The following PCGF3 variants were observed in gnomAD, a reference collection of about 807,000 sequenced individuals.
PCGF3 encodes polycomb group RING finger protein 3.
A neutral mutation model predicts 33.1 loss-of-function variants in PCGF3; 7 were observed. The observed-to-expected ratio is 0.21, with a 90% CI of 0.12 to 0.40. The LOEUF is 0.40. Among genes scored for constraint, PCGF3 ranks in the 10% least tolerant of loss-of-function variants. The pLI is 1.00. For synonymous variants in PCGF3, 153 were observed against 121.3 expected (o/e 1.26, Z -1.72); for missense variants, 211 against 313.3 (o/e 0.67, Z 2.46).
chr4:742,697 C>T (rs55990625), intron 6 of PCGF3, among the ~76,000 whole-genome samples: 30,290 of 152,178 alleles, frequency 0.2, 3,506 homozygotes, highest in Middle Eastern at 0.28. Context: ...TCCTCTGGTC[C>T]GGCCAGAGGT....
chr4:730,338 G>A (rs1444685847), intron 1 of PCGF3, among the ~76,000 whole-genome samples: 1 of 152,098 alleles, frequency 6.6e-6, no homozygotes, highest in Non-Finnish European at 1.5e-5. Context: ...CTGCCTTCTT[G>A]GGCCCAAAAC....
At chr4:715,201 G>C (rs1473531735) in intron 1 of PCGF3, among the ~76,000 whole-genome samples, 2 of 144,334 alleles carry the variant, frequency 1.4e-5, no homozygotes, top group African/African-American at 5.0e-5. Flanking sequence ...CTGCGAGTGT[G>C]AGAACTGGGT....
chr4:762,645 A>G (rs1230694963), intron 9 of PCGF3: 1 of 152,324 alleles, frequency 6.6e-6, no homozygotes. Context: ...CCCAGCTCCC[A>G]GAACTGTGCC....
intron 7 of PCGF3, 104 bp downstream of exon 7, chr4:743,688 G>C: frequency 1.5e-6 from 1 of 674,684 alleles, no homozygotes; most frequent in Non-Finnish European, 2.6e-6. Context: ...ACGCACTCAC[G>C]GGAGAACGTG....
intron 6 of PCGF3, among the ~76,000 whole-genome samples, chr4:741,696 C>G (rs958984827): frequency 2.6e-5 from 4 of 152,024 alleles, no homozygotes; most frequent in Non-Finnish European, 4.4e-5. Flanking sequence ...TGTGAGCCAC[C>G]GCGCCCGGCC....
At chr4:765,852 G>A (rs6829951) in intron 10 of PCGF3, among the ~76,000 whole-genome samples, 180 bp from the exon 11 acceptor site, 31,451 of 152,126 alleles carry the variant, frequency 0.21, 3,427 homozygotes, top group African/African-American at 0.24. Flanking sequence ...TTCCTAGCCC[G>A]TCTTCCCCCA....
chr4:747,712 CG>C (rs568866237), intron 8 of PCGF3, among the ~76,000 whole-genome samples: 133 of 151,824 alleles, frequency 8.8e-4, no homozygotes, highest in African/African-American at 3.1e-3. Context: ...AGCAGGTGGG[CG>C]GGGCCCCGGG....
intron 3 of PCGF3, chr4:731,349 T>C (rs1424182848): frequency 2.5e-6 from 1 of 400,138 alleles, no homozygotes; most frequent in Non-Finnish European, 4.4e-6. Context: ...CTTCCGTCAC[T>C]GGTTCACTTG....
intron 1 of PCGF3, among the ~76,000 whole-genome samples, chr4:714,150 G>A (rs1742702076): frequency 6.6e-6 from 1 of 152,132 alleles, no homozygotes; most frequent in Admixed American, 6.5e-5. Context: ...TGCCTGTGAG[G>A]ACTCTGACCC....
Position 765,013 on chromosome 4 carries a change from G to A in PCGF3, c.630G>A (p.Leu210=). The A allele has an allele frequency of 1.9e-6, 3 of 1,613,952 alleles. No homozygotes were observed. In the South Asian group the frequency reaches 3.3e-5, roughly 18 times the overall value. Reference sequence around the variant, plus strand: ...ACATTTTATGCAACGAGGAGATCCTGGGCAAGGACCACACACTCAAGTTCG... The same window carrying A: ...ACATTTTATGCAACGAGGAGATCCTAGGCAAGGACCACACACTCAAGTTCG... Residue 210 remains leucine, a synonymous_variant, in exon 10 of 11, where the codon CTG becomes CTA. Transcript: ENST00000362003.
chr4:756,927 G>A (rs1232375611), intron 8 of PCGF3: 1 of 152,248 alleles, frequency 6.6e-6, no homozygotes, highest in Admixed American at 6.5e-5. Context: ...ATACATAAAA[G>A]AGGTGTGTGT....
At chr4:734,461 A>G (rs1455454207) in intron 4 of PCGF3, 10 of 1,251,670 alleles carry the variant, frequency 8.0e-6, no homozygotes, top group Non-Finnish European at 1.0e-5. Context: ...GAAATAAAAT[A>G]TTTGCCAATT....
At chr4:733,618 G>A in intron 3 of PCGF3, 54 bp from the exon 4 acceptor site, 1 of 1,545,446 alleles carries the variant, frequency 6.5e-7, no homozygotes, top group South Asian at 1.2e-5. Context: ...CTCAGCCAAG[G>A]ATGAAAGGCA....
At chr4:707,511 A>AC (rs1410960621) in intron 1 of PCGF3, among the ~76,000 whole-genome samples, 25 of 76,390 alleles carry the variant, frequency 3.3e-4, no homozygotes, top group African/African-American at 1.1e-3. Context: ...GCCTGTTTTC[A>AC]CCCGGGGGCC....
chr4:761,182 C>A, intron 8 of PCGF3, 97 bp from the exon 9 acceptor site: 1 of 1,036,556 alleles, frequency 9.6e-7, no homozygotes, highest in Middle Eastern at 2.4e-4. Context: ...GGTCAGCAGT[C>A]CTAGATTGAG....
At chr4:761,878 C>A in intron 9 of PCGF3, 1 of 985,422 alleles carries the variant, frequency 1.0e-6, no homozygotes. Context: ...GGCAGTGACA[C>A]CATGGGGATG....
chr4:716,905 A>C (rs1371503913), intron 1 of PCGF3, among the ~76,000 whole-genome samples: 1 of 129,170 alleles, frequency 7.7e-6, no homozygotes, highest in East Asian at 2.4e-4. Flanking sequence ...GGACACTGCG[A>C]GTGTGAGAAC....
chr4:742,688 C>T (rs1245124297), intron 6 of PCGF3, among the ~76,000 whole-genome samples: 11 of 152,208 alleles, frequency 7.2e-5, no homozygotes, highest in Non-Finnish European at 1.5e-4. Flanking sequence ...GGTCAGGCCT[C>T]CTCTGGTCCG....
At chr4:734,451 GAAATA>G (rs1217027594) in intron 4 of PCGF3, 4 of 1,265,704 alleles carry the variant, frequency 3.2e-6, no homozygotes, top group East Asian at 3.1e-5. Context: ...CTCACTTTAG[GAAATA>G]AAATATTTGC....
Sources: allele counts gnomAD v4.1 joint callset (sites outside exome capture counted in the v4.1 genomes callset), GRCh38; gene constraint gnomAD v4.1.1; transcripts MANE v1.5; gene names NCBI Gene and HGNC (gene_info 2026-07-23, HGNC 2026-07-21).